ZNF292: variants seen among roughly 807,000 people sequenced by gnomAD.
ZNF292 encodes zinc finger protein 292, also known as 16 zinc-finger domain protein.
A neutral mutation model predicts 217.9 loss-of-function variants in ZNF292; 26 were observed. The observed-to-expected ratio is 0.12, with a 90% CI of 0.09 to 0.17. The LOEUF (loss-of-function observed/expected upper bound fraction) is 0.17. ZNF292 is among the 10% of genes least tolerant of loss of function. The pLI is 1.00. For missense variants in ZNF292, 2,904 were observed against 3,175.2 expected, an observed-to-expected ratio of 0.91 and a Z score of 2.05; for synonymous variants, 1,257 against 1,124.1, an observed-to-expected ratio of 1.12 and a Z score of -2.37.
At chr6:87,220,102 C>T (rs1021393878) in intron 4 of ZNF292, among the ~76,000 whole-genome samples, 40 of 152,250 alleles carry the variant, frequency 2.6e-4, no homozygotes, top group African/African-American at 9.1e-4. Context: ...GTTAGGATTA[C>T]AGGCATGACT....
chr6:87,184,840 C>T (rs1447209135), intron 1 of ZNF292, among the ~76,000 whole-genome samples: 2 of 152,162 alleles, frequency 1.3e-5, no homozygotes, highest in African/African-American at 4.8e-5. Context: ...TCCTGGAGAA[C>T]AAAGGCCCCT....
Position 87,255,134 on chromosome 6 carries a change from G to A in ZNF292, c.1505G>A (p.Gly502Asp), listed in dbSNP as rs747668124. Residue 502 changes from glycine (G) to aspartate (D), a missense_variant, in exon 8 of 8, where the codon GGT (glycine) becomes GAT (aspartate). Physicochemically the swap from Gly to Asp is moderately conservative, Grantham distance 94 (BLOSUM62 -1). This residue lies in a region of ZNF292 where 87 missense variants were observed against 99.6 expected (regional missense o/e 0.87). Transcript: ENST00000369577. Reference protein sequence around the residue: ...TSMNGLSGGVGANSGLLKDIG... With the variant: ...TSMNGLSGGVDANSGLLKDIG... ...ATGAATGGGCTTTCTGGTGGAGTTGGTGCTAATTCTGGCCTTCTTAAAGAC... is the reference window on the plus strand; with the variant it reads ...ATGAATGGGCTTTCTGGTGGAGTTGATGCTAATTCTGGCCTTCTTAAAGAC... The A allele has an allele frequency of 5.0e-6, 8 of 1,613,726 alleles. No homozygotes were observed. The East Asian group carries it at 6.7e-5, about 13-fold the overall frequency.
rs1212699250 is a variant in ZNF292 at position 87,213,384 on chromosome 6, G to T, written c.169-2519G>T. ...GGTGCTCCTTGCAGATGGAACAATG[G>T]TGAGACCACACCCGGACAGGGGAGG... On this transcript the variant is annotated intron_variant, in intron 1 of 7. Coordinates refer to ENST00000369577, the MANE Select transcript of ZNF292 (RefSeq NM_015021.3). Among the ~76,000 whole-genome samples, 3 of 152,190 alleles carry T rather than the reference G, an allele frequency of 2.0e-5. No individual in the cohort carries two copies. The East Asian group carries it at 5.8e-4, about 29-fold the overall frequency.
At chr6:87,202,054 G>T (rs1772115299) in intron 1 of ZNF292, among the ~76,000 whole-genome samples, 1 of 152,118 alleles carries the variant, frequency 6.6e-6, no homozygotes, top group Admixed American at 6.5e-5. Context: ...AATTGATTTG[G>T]CCTTTTGAAT....
In ZNF292 at chr6:87,258,035, C is replaced by T; in HGVS notation, c.4406C>T (p.Thr1469Ile). 2 of 1,613,824 alleles carry T rather than the reference C, an allele frequency of 1.2e-6. No individual in the cohort carries two copies. Among genetic ancestry groups the T allele is most frequent in the African/African-American group, 2.7e-5 (2 of 75,038 alleles). ...ENRSPAFLPN[T>I]FPRSGVTNFN... is the part of the protein sequence containing the mutation. ...CGCTCGCCAGCATTTTTACCAAATA[C>T]ATTTCCTCGATCTGGTGTGACTAAC... The change falls in exon 8 of 8, where the codon ACA (threonine) becomes ATA (isoleucine). Residue 1469 changes from threonine (T) to isoleucine (I), a missense_variant. By Grantham distance (89) the Thr-to-Ile change is moderately conservative. Around this residue, in one of 15 missense-constraint regions of ZNF292, gnomAD observed 622 missense variants for 573.1 expected, o/e 1.09. Transcript: ENST00000369577.
chr6:87,217,935 A>G (rs994552761), intron 3 of ZNF292, among the ~76,000 whole-genome samples: 2 of 152,152 alleles, frequency 1.3e-5, no homozygotes, highest in Admixed American at 6.5e-5. Context: ...GATAAGCCCC[A>G]TAAAGTCAGG....
chr6:87,163,468 A>G (rs1451346834), intron 1 of ZNF292, among the ~76,000 whole-genome samples: 1 of 151,970 alleles, frequency 6.6e-6, no homozygotes, highest in Non-Finnish European at 1.5e-5. Context: ...AAAAACCCCA[A>G]AAAAACCACA....
At position 87,259,604 on chromosome 6, in the gene ZNF292, C is replaced by T; in HGVS notation, c.5975C>T (p.Ser1992Phe). The change falls in exon 8 of 8, where the codon TCT becomes TTT. Residue 1992 changes from serine (S) to phenylalanine (F), a missense_variant. Around this residue, in one of 15 missense-constraint regions of ZNF292, gnomAD observed 261 missense variants for 272.8 expected, o/e 0.96. Coordinates refer to ENST00000369577, the MANE Select transcript of ZNF292 (RefSeq NM_015021.3). ...ATTAAAAGGCCTTATGGAAGAAAATCTCAGAGTGAAAATGTGCCGGCCTCA... is the reference window on the plus strand; with the variant it reads ...ATTAAAAGGCCTTATGGAAGAAAATTTCAGAGTGAAAATGTGCCGGCCTCA... ...LKIKRPYGRK[S>F]QSENVPASRS... The T allele has an allele frequency of 6.3e-7, 1 of 1,578,780 alleles. No homozygotes were observed. The highest frequency in any genetic ancestry group is 8.6e-7 in the Non-Finnish European group (1 of 1,161,550).
intron 1 of ZNF292, among the ~76,000 whole-genome samples, chr6:87,199,333 A>G (rs1772043807): frequency 6.6e-6 from 1 of 152,182 alleles, no homozygotes; most frequent in African/African-American, 2.4e-5. Context: ...ATTTTAAAAA[A>G]CCAGGTTGTC....
intron 4 of ZNF292, among the ~76,000 whole-genome samples, chr6:87,229,918 A>G (rs1773560556): frequency 6.6e-6 from 1 of 151,862 alleles, no homozygotes; most frequent in Non-Finnish European, 1.5e-5. Context: ...GTAGATGGAG[A>G]CGACTAGTAG....
At chr6:87,228,363 C>G (rs1247931204) in intron 4 of ZNF292, among the ~76,000 whole-genome samples, 1 of 152,134 alleles carries the variant, frequency 6.6e-6, no homozygotes, top group Non-Finnish European at 1.5e-5. Context: ...AATATTTTCT[C>G]TCATTCCTTT....
At chr6:87,244,406 A>T (rs182717939) in intron 6 of ZNF292, among the ~76,000 whole-genome samples, 5 of 152,366 alleles carry the variant, frequency 3.3e-5, no homozygotes, top group African/African-American at 1.2e-4. Context: ...TTTTCTAGTT[A>T]TACCAGCATG....
chr6:87,236,223 C>T (rs1773897169), intron 5 of ZNF292, among the ~76,000 whole-genome samples: 1 of 152,100 alleles, frequency 6.6e-6, no homozygotes, highest in Non-Finnish European at 1.5e-5. Flanking sequence ...TTTACGTGTT[C>T]CTTAAAGGAC....
chr6:87,260,606 A>G lies in ZNF292; in HGVS notation c.6977A>G (p.Glu2326Gly). ...ACCAAGCACAGCAGATGTGGAAAGG[A>G]AGGAATAAAAATGCCCAAGACCAAA... ...RGTKHSRCGK[E>G]GIKMPKTKRK... The change falls in exon 8 of 8, where the codon GAA becomes GGA. Residue 2326 changes from glutamate (E) to glycine (G), a missense_variant. Coordinates refer to ENST00000369577, the MANE Select transcript of ZNF292 (RefSeq NM_015021.3). The G allele has an allele frequency of 6.2e-7, 1 of 1,613,130 alleles. No homozygotes were observed. Among genetic ancestry groups the G allele is most frequent in the Non-Finnish European group, 8.5e-7 (1 of 1,179,670 alleles).
chr6:87,260,719 C>T lies in ZNF292; in HGVS notation c.7090C>T (p.His2364Tyr), dbSNP rs990118967. ...GCCTTATTCTCTGAAACGTGGGAAG[C>T]ATGTATATTCTATAAAGGCTAGAAA... is the stretch of plus-strand genomic sequence containing the variant. ...NKPYSLKRGK[H>Y]VYSIKARNDA... is the part of the protein sequence containing the mutation. The change falls in exon 8 of 8, where the codon CAT becomes TAT. Residue 2364 changes from histidine (H) to tyrosine (Y), a missense_variant. Around this residue, in one of 15 missense-constraint regions of ZNF292, gnomAD observed 101 missense variants for 89.5 expected, o/e 1.13. Transcript: ENST00000369577. 1 of 1,613,278 alleles carries T rather than the reference C, an allele frequency of 6.2e-7. No individual in the cohort carries two copies. The highest frequency in any genetic ancestry group is 8.5e-7 in the Non-Finnish European group (1 of 1,179,638).
rs1488262158 is a variant in ZNF292, at chr6:87,255,003, A to G, written c.1374A>G (p.Ala458=). ...DWKTLKRQCL[A]LMGEEASIVS... ...AAACCTTGAAACGACAATGTCTTGC[A>G]TTAATGGGAGAAGAAGCATCCATTG... Residue 458 remains alanine (A), a synonymous_variant, in exon 8 of 8, where the codon GCA becomes GCG. Transcript: ENST00000369577. 4 of 1,613,758 alleles carry G rather than the reference A, an allele frequency of 2.5e-6. No individual in the cohort carries two copies. Among genetic ancestry groups the G allele is most frequent in the East Asian group, 2.2e-5 (1 of 44,888 alleles).
In ZNF292 at chr6:87,259,589, C is replaced by T; in HGVS notation, c.5960C>T (p.Pro1987Leu). 6.3e-7 allele frequency: 1 copy of T among 1,577,186 alleles called. No homozygotes were observed. The highest frequency in any genetic ancestry group is 8.6e-7 in the Non-Finnish European group (1 of 1,160,598). The change falls in exon 8 of 8, where the codon CCT (proline) becomes CTT (leucine). Residue 1987 changes from proline (P) to leucine (L), a missense_variant. Physicochemically the swap from Pro to Leu is moderately conservative, Grantham distance 98. Transcript: ENST00000369577. Reference protein sequence around the residue: ...EEMVKLKIKRPYGRKSQSENV... With the variant: ...EEMVKLKIKRLYGRKSQSENV... Reference sequence around the variant, plus strand: ...ATGGTAAAGTTAAAAATTAAAAGGCCTTATGGAAGAAAATCTCAGAGTGAA... The same window carrying T: ...ATGGTAAAGTTAAAAATTAAAAGGCTTTATGGAAGAAAATCTCAGAGTGAA...
chr6:87,203,453 C>T (rs1162739318), intron 1 of ZNF292, among the ~76,000 whole-genome samples: 1 of 152,018 alleles, frequency 6.6e-6, no homozygotes, highest in African/African-American at 2.4e-5. Flanking sequence ...ATTTTCCTAA[C>T]TTTAAATTAT....
chr6:87,265,737 TAATC>T lies in ZNF292; in HGVS notation c.*3939_*3942del, dbSNP rs1283227569. ...ATGGCATTTATTCAACCAGGACTGA[TAATC>T]AACGTGTACACCAATTCAATTGTAT... On this transcript the variant is annotated 3_prime_UTR_variant, in exon 8 of 8. Transcript: ENST00000369577. 3.3e-5 allele frequency among the ~76,000 whole-genome samples: 5 copies of T among 152,240 alleles called. No individual in the cohort carries two copies. Among genetic ancestry groups the T allele is most frequent in the African/African-American group, 1.2e-4 (5 of 41,466 alleles).
Sources: gnomAD v4.1 joint callset for allele counts (sites outside exome capture counted in the v4.1 genomes callset) on GRCh38, gnomAD v4.1.1 for gene constraint, gnomAD v4.1.1 regional missense constraint, MANE v1.5 for transcripts, NCBI Gene and HGNC (gene_info 2026-07-23, HGNC 2026-07-21) for gene names.